PIBF1: variants seen among roughly 807,000 people sequenced by gnomAD.
PIBF1 encodes progesterone-induced-blocking factor 1.
Under a neutral mutation model 112.5 loss-of-function variants are expected in PIBF1, and 90 were observed. The ratio of observed to expected loss-of-function variants is 0.80; its 90% CI spans 0.67 to 0.95. The LOEUF is 0.95. Ranked by LOEUF, PIBF1 falls within the 40% of genes least tolerant of loss-of-function variation. The probability of loss-of-function intolerance (pLI) is 0.00; values close to 1 mark genes in which losing one functional copy is unlikely to be tolerated. For synonymous variants in PIBF1, 301 were observed against 288.6 expected (o/e 1.04, Z -0.44); for missense variants, 915 against 852.3 (o/e 1.07, Z -0.92).
Position 72,901,952 on chromosome 13 carries a change from C to G in PIBF1, c.1489-6579C>G, listed in dbSNP as rs571006510. Among the ~76,000 whole-genome samples the G allele has an allele frequency of 2.0e-5, 3 of 148,494 alleles. No individual in the cohort carries two copies. The East Asian group carries it at 6.2e-4, about 31-fold the overall frequency. ...AATTCACAATTGCAAAATCGTGGAA[C>G]CAACCCAAATGCCTATCAATCGAAT... is the stretch of plus-strand genomic sequence containing the variant. On this transcript the variant is annotated intron_variant, in intron 11 of 17. Coordinates refer to ENST00000326291, the MANE Select transcript of PIBF1 (RefSeq NM_006346.4).
intron 5 of PIBF1, among the ~76,000 whole-genome samples, chr13:72,815,465 A>G (rs1593958529): frequency 6.6e-6 from 1 of 152,248 alleles, no homozygotes. Context: ...GAAGAAAACT[A>G]TAAAATCTTG....
In PIBF1 at chr13:72,783,601, C is replaced by A; in HGVS notation, c.132C>A (p.Val44=). Reference sequence around the variant, plus strand: ...CATCAGAAGAGCGAGAGGGCAAAGTCAGAATCACCAGGCAGCTAATTGAAC... The same window carrying A: ...CATCAGAAGAGCGAGAGGGCAAAGTAAGAATCACCAGGCAGCTAATTGAAC... The part of the protein sequence containing the change: ...ISSSEEREGK[V]RITRQLIERK... Residue 44 remains valine, a synonymous_variant, in exon 2 of 18, where the codon GTC becomes GTA. Transcript: ENST00000326291. 1.2e-6 allele frequency: 2 copies of A among 1,614,044 alleles called. No homozygotes were observed. Among genetic ancestry groups the A allele is most frequent in the Admixed American group, 3.3e-5 (2 of 60,018 alleles).
chr13:72,799,473 G>T (rs971047432), intron 5 of PIBF1, among the ~76,000 whole-genome samples: 2 of 152,076 alleles, frequency 1.3e-5, no homozygotes, highest in African/African-American at 4.8e-5. Flanking sequence ...GGGCAGATGT[G>T]CCCCCACTCC....
chr13:72,979,448 A>C (rs1283807472), intron 16 of PIBF1, among the ~76,000 whole-genome samples: 1 of 152,134 alleles, frequency 6.6e-6, no homozygotes, highest in African/African-American at 2.4e-5. Context: ...TAGAATACTG[A>C]GCTCAGTCGT....
intron 14 of PIBF1, among the ~76,000 whole-genome samples, chr13:72,932,299 T>C (rs796601778): frequency 6.6e-6 from 1 of 152,222 alleles, no homozygotes; most frequent in East Asian, 1.9e-4. Context: ...AAAGGGTTTT[T>C]TCAAGTCATA....
chr13:72,828,327 G>A (rs1255103552), intron 8 of PIBF1, among the ~76,000 whole-genome samples: 1 of 146,842 alleles, frequency 6.8e-6, no homozygotes, highest in Non-Finnish European at 1.5e-5. Context: ...TGCAGAATAT[G>A]CAGTTTTGTT....
rs939645961 is a variant in PIBF1, at chr13:72,901,015, T to G, written c.1488+7066T>G. 7.2e-6 allele frequency: 3 copies of G among 416,666 alleles called. No homozygotes were observed. In the East Asian group the frequency reaches 2.4e-4, roughly 33 times the overall value. The allele number at this position is 416,666 out of a possible 1,614,324, so 25.8% of individuals were successfully genotyped here. ...GCACCCTGGGCAACCAGAGCAAAAC[T>G]CCGTCTCAAAACAAAAAGCAAAAAA... On this transcript the variant is annotated intron_variant, in intron 11 of 17. Coordinates refer to ENST00000326291, the MANE Select transcript of PIBF1 (RefSeq NM_006346.4).
At chr13:72,889,708 T>G (rs2039984497) in intron 10 of PIBF1, among the ~76,000 whole-genome samples, 1 of 152,172 alleles carries the variant, frequency 6.6e-6, no homozygotes, top group African/African-American at 2.4e-5. Flanking sequence ...TACAGATAAA[T>G]GCTTTGCCTC....
chr13:73,011,075 C>T (rs2044189969), intron 17 of PIBF1, among the ~76,000 whole-genome samples: 1 of 151,850 alleles, frequency 6.6e-6, no homozygotes, highest in South Asian at 2.1e-4. Flanking sequence ...ATCCCCCCCA[C>T]CTTGGCCTCC....
intron 4 of PIBF1, among the ~76,000 whole-genome samples, chr13:72,795,940 C>T (rs182525325): frequency 7.2e-5 from 11 of 152,184 alleles, no homozygotes; most frequent in South Asian, 2.1e-4. Context: ...GAGAGATTGG[C>T]GCAAGATCTT....
intron 11 of PIBF1, among the ~76,000 whole-genome samples, chr13:72,906,988 G>A (rs1165736642): frequency 6.6e-6 from 1 of 152,050 alleles, no homozygotes; most frequent in Non-Finnish European, 1.5e-5. Flanking sequence ...ATGTCACTGA[G>A]TAATGATTTT....
At chr13:72,844,733 A>G in intron 9 of PIBF1, among the ~76,000 whole-genome samples, 2 of 32,972 alleles carry the variant, frequency 6.1e-5, no homozygotes, top group South Asian at 2.5e-3. Flanking sequence ...TTATTTACAC[A>G]CACACACACA....
intron 5 of PIBF1, among the ~76,000 whole-genome samples, chr13:72,803,429 C>A (rs1446349489): frequency 6.6e-6 from 1 of 151,972 alleles, no homozygotes; most frequent in Admixed American, 6.6e-5. Flanking sequence ...GTTTAAGGCT[C>A]CCCACTTTAG....
chr13:72,965,533 T>A, intron 15 of PIBF1, 129 bp downstream of exon 15: 1 of 696,864 alleles, frequency 1.4e-6, no homozygotes. Context: ...ATGTAATGAA[T>A]ATTAAACTTT....
At chr13:73,002,563 C>A (rs1267342244) in intron 17 of PIBF1, among the ~76,000 whole-genome samples, 1 of 152,170 alleles carries the variant, frequency 6.6e-6, no homozygotes, top group East Asian at 1.9e-4. Flanking sequence ...CTGCTGCCAT[C>A]CTATTCGAAA....
intron 13 of PIBF1, among the ~76,000 whole-genome samples, chr13:72,923,413 T>A (rs1482506987): frequency 6.6e-6 from 1 of 152,240 alleles, no homozygotes; most frequent in Non-Finnish European, 1.5e-5. Flanking sequence ...GGTGAAATTT[T>A]GGTTTAATAT....
chr13:72,909,409 A>G (rs2138660578), intron 12 of PIBF1, among the ~76,000 whole-genome samples: 1 of 152,356 alleles, frequency 6.6e-6, no homozygotes, highest in Non-Finnish European at 1.5e-5. Flanking sequence ...GTGGAAATAC[A>G]AAAGAGATCA....
At chr13:72,951,353 A>G (rs2042290614) in intron 14 of PIBF1, among the ~76,000 whole-genome samples, 1 of 152,210 alleles carries the variant, frequency 6.6e-6, no homozygotes, top group South Asian at 2.1e-4. Flanking sequence ...GGCAATTACT[A>G]GCTATGTAAA....
At chr13:72,871,309 TTC>T (rs1221188347) in intron 10 of PIBF1, among the ~76,000 whole-genome samples, 2 of 152,046 alleles carry the variant, frequency 1.3e-5, no homozygotes, top group African/African-American at 4.8e-5. Context: ...CTGTCTCTCT[TTC>T]TCTCTCTCTT....
Sources: gnomAD v4.1 joint callset for allele counts (sites outside exome capture counted in the v4.1 genomes callset) on GRCh38, gnomAD v4.1.1 for gene constraint, MANE v1.5 for transcripts, NCBI Gene and HGNC (gene_info 2026-07-23, HGNC 2026-07-21) for gene names.